VILL: variants seen among roughly 807,000 people sequenced by gnomAD.
VILL encodes villin-like protein.
A neutral mutation model predicts 106.3 loss-of-function variants in VILL; 102 were observed. That is an observed-to-expected ratio of 0.96 (90% CI 0.82 to 1.13). VILL has a LOEUF of 1.13. VILL is among the 50% of genes most tolerant of loss of function. VILL has a pLI of 0.00. For missense variants in VILL, 1,076 were observed against 1,116.6 expected, an observed-to-expected ratio of 0.96 and a Z score of 0.52; for synonymous variants, 431 against 440.3, an observed-to-expected ratio of 0.98 and a Z score of 0.27.
intron 4 of VILL, 83 bp from the exon 5 acceptor site, chr3:37,995,656 A>C: frequency 8.7e-7 from 1 of 1,150,004 alleles, no homozygotes; most frequent in South Asian, 1.3e-5. Context: ...GCACGTGCTC[A>C]CATCTGCAGT....
Position 37,998,864 on chromosome 3 carries a change from G to A in VILL, c.943-48G>A. 6.4e-7 allele frequency: 1 copy of A among 1,562,270 alleles called. No individual in the cohort carries two copies. Among genetic ancestry groups the A allele is most frequent in the African/African-American group, 1.4e-5 (1 of 73,028 alleles). On this transcript the variant is annotated intron_variant, in intron 9 of 19. Coordinates refer to ENST00000383759, the MANE Select transcript of VILL (RefSeq NM_015873.4). This position sits in a 1 kb window ranked among gnomAD's most constrained non-coding sequence, Gnocchi z 4.1. ...GGTAGGTCCCCAGGAGCGGCAGTGG[G>A]GCAGTGGACTCTCAGGGTCGCAGGA...
In VILL at chr3:37,997,507, C is replaced by T. The variant is rs1213982839; in HGVS notation, c.586C>T (p.Arg196Trp). The change falls in exon 7 of 20, where the codon CGG becomes TGG. Residue 196 changes from arginine (R) to tryptophan (W), a missense_variant. Arg to Trp is a moderately radical substitution (Grantham distance 101). Transcript: ENST00000383759. This position sits in a 1 kb window ranked among gnomAD's most constrained non-coding sequence, Gnocchi z 4.7. ...ARGLALTYSL[R>W]DRERGGGRAQ... is the part of the protein sequence containing the mutation. Reference sequence around the variant, plus strand: ...GGGGCTGGCTTTGACCTACAGCCTCCGGGACAGGGAACGTGGTGGTGGTCG... The same window carrying T: ...GGGGCTGGCTTTGACCTACAGCCTCTGGGACAGGGAACGTGGTGGTGGTCG... 5.0e-6 allele frequency: 8 copies of T among 1,613,828 alleles called. No homozygotes were observed. The highest frequency in any genetic ancestry group is 3.3e-5 in the Admixed American group (2 of 59,994).
intron 13 of VILL, 47 bp downstream of exon 13, chr3:38,001,907 T>A: frequency 1.9e-6 from 3 of 1,613,160 alleles, no homozygotes; most frequent in Non-Finnish European, 2.5e-6. Flanking sequence ...CAGTTCTGCA[T>A]GGGCCATGGC....
intron 16 of VILL, 73 bp downstream of exon 16, chr3:38,004,472 G>A (rs1185010166): frequency 2.6e-6 from 4 of 1,552,354 alleles, no homozygotes; most frequent in Non-Finnish European, 3.5e-6. Flanking sequence ...GGGTGTGTGT[G>A]TATCTAGCCA....
intron 16 of VILL, among the ~76,000 whole-genome samples, chr3:38,004,848 T>C (rs559982112): frequency 6.6e-6 from 1 of 152,358 alleles, no homozygotes; most frequent in East Asian, 1.9e-4. Flanking sequence ...GGTCACGTGA[T>C]GCTAGAACTG....
Position 38,002,424 on chromosome 3 carries a change from A to G in VILL, c.1508A>G (p.Gln503Arg). ...AGAGCTGGGCACCATGGAAAGGGGC[A>G]GTCAGCATCCACCACAAGGCTTTTC... Reference protein sequence around the residue: ...QERAGHHGKGQSASTTRLFQV... With the variant: ...QERAGHHGKGRSASTTRLFQV... Residue 503 changes from glutamine to arginine, a missense_variant, in exon 14 of 20, where the codon CAG becomes CGG. Transcript: ENST00000383759. The G allele has an allele frequency of 6.2e-7, 1 of 1,613,634 alleles. No homozygotes were observed. The highest frequency in any genetic ancestry group is 1.1e-5 in the South Asian group (1 of 91,018).
Position 38,003,273 on chromosome 3 carries a change from G to T in VILL, c.1765G>T (p.Glu589Ter). 6.2e-7 allele frequency: 1 copy of T among 1,613,056 alleles called. No individual in the cohort carries two copies. Among genetic ancestry groups the T allele is most frequent in the Non-Finnish European group, 8.5e-7 (1 of 1,179,662 alleles). The change falls in exon 15 of 20, where the codon GAG (glutamate) becomes TAG (stop). Residue 589 changes from glutamate to a stop codon, truncating the protein, a stop_gained. Coordinates refer to ENST00000383759, the MANE Select transcript of VILL (RefSeq NM_015873.4). LOFTEE classifies it high-confidence loss of function. ...LEGQEPPHFW[E>*]ALGGRAPYPS... ...GGGTCAGGAGCCTCCCCACTTCTGGGAGGCCCTGGGAGGCCGGGCCCCCTA... is the reference window on the plus strand; with the variant it reads ...GGGTCAGGAGCCTCCCCACTTCTGGTAGGCCCTGGGAGGCCGGGCCCCCTA...
chr3:37,989,915 G>T (rs1300626751), upstream of VILL, among the ~76,000 whole-genome samples: 1 of 152,234 alleles, frequency 6.6e-6, no homozygotes, highest in African/African-American at 2.4e-5. Flanking sequence ...GCTGGACACA[G>T]ACTGCCCCCG....
At position 38,007,001 on chromosome 3, in the gene VILL, C is replaced by T. The variant is rs1464025917; in HGVS notation, c.2517C>T (p.Tyr839=). ...DIFGKSKEEF[Y]SMATWRQRQE... is the part of the protein sequence containing the mutation. ...TTGGGAAATCCAAGGAGGAATTCTACAGCATGGCCACGTGGAGGCAGCGGC... is the reference window on the plus strand; with the variant it reads ...TTGGGAAATCCAAGGAGGAATTCTATAGCATGGCCACGTGGAGGCAGCGGC... The change falls in exon 20 of 20, where the codon TAC becomes TAT. Residue 839 remains tyrosine (Y), a synonymous_variant. Coordinates refer to ENST00000383759, the MANE Select transcript of VILL (RefSeq NM_015873.4). 1.1e-5 allele frequency: 17 copies of T among 1,614,044 alleles called. No individual in the cohort carries two copies. The highest frequency in any genetic ancestry group is 1.7e-5 in the Admixed American group (1 of 59,998).
upstream of VILL, among the ~76,000 whole-genome samples, chr3:37,989,969 G>A (rs1699590243): frequency 6.6e-6 from 1 of 152,202 alleles, no homozygotes; most frequent in Admixed American, 6.5e-5. Flanking sequence ...CCTTTGTGGG[G>A]TGAAGACTGA....
chr3:38,002,066 T>A, intron 13 of VILL: 1 of 844,428 alleles, frequency 1.2e-6, no homozygotes, highest in Non-Finnish European at 1.8e-6. Flanking sequence ...GATGAGGAAT[T>A]TGAGTTGAAA....
rs748566702 is a variant in VILL at position 37,999,332 on chromosome 3, C to T, written c.1082-7C>T. On this transcript the variant is annotated splice_region_variant and splice_polypyrimidine_tract_variant and intron_variant, in intron 10 of 19. Coordinates refer to ENST00000383759, the MANE Select transcript of VILL (RefSeq NM_015873.4). ...GGCGCCACTGACGCCTACTGTCCCCCCTTCAGATAAATCGATTCATGTAAA... is the reference window on the plus strand; with the variant it reads ...GGCGCCACTGACGCCTACTGTCCCCTCTTCAGATAAATCGATTCATGTAAA... The T allele has an allele frequency of 2.2e-5, 34 of 1,511,486 alleles. No homozygotes were observed. Among genetic ancestry groups the T allele is most frequent in the Middle Eastern group, 1.8e-4 (1 of 5,642 alleles). The allele number at this position is 1,511,486 out of a possible 1,614,324, so 93.6% of individuals were successfully genotyped here. A position where few individuals can be genotyped will look rare whatever the true frequency, so the allele number is the denominator to read the frequency against.
Position 37,998,134 on chromosome 3 carries a change from C to T in VILL, c.809C>T (p.Thr270Ile), listed in dbSNP as rs1699740150. 6.2e-7 allele frequency: 1 copy of T among 1,613,230 alleles called. No homozygotes were observed. Among genetic ancestry groups the T allele is most frequent in the East Asian group, 2.2e-5 (1 of 44,828 alleles). ...GKDLVVLELA[T>I]PPLTQDLLQE... ...GACCTGGTGGTCCTGGAGTTGGCGA[C>T]CCCCCCACTGACCCAGGACCTGCTG... The change falls in exon 8 of 20, where the codon ACC becomes ATC. Residue 270 changes from threonine to isoleucine, a missense_variant. Coordinates refer to ENST00000383759, the MANE Select transcript of VILL (RefSeq NM_015873.4). This position sits in a 1 kb window ranked among gnomAD's most constrained non-coding sequence, Gnocchi z 4.1.
Position 38,005,816 on chromosome 3 carries a change from G to T in VILL, c.1975G>T (p.Ala659Ser). Residue 659 changes from alanine (A) to serine (S), a missense_variant, in exon 17 of 20, where the codon GCA becomes TCA. Coordinates refer to ENST00000383759, the MANE Select transcript of VILL (RefSeq NM_015873.4). Reference sequence around the variant, plus strand: ...GATCTTCCTGTGGCTTGGGGAAGCTGCAAGTGAGTGGAAGGAGGCGGTGGC... The same window carrying T: ...GATCTTCCTGTGGCTTGGGGAAGCTTCAAGTGAGTGGAAGGAGGCGGTGGC... ...QEIFLWLGEA[A>S]SEWKEAVAWG... The T allele has an allele frequency of 6.2e-7, 1 of 1,612,678 alleles. No homozygotes were observed. The highest frequency in any genetic ancestry group is 8.5e-7 in the Non-Finnish European group (1 of 1,179,274).
At chr3:38,002,847 C>A in intron 14 of VILL, 1 of 539,134 alleles carries the variant, frequency 1.9e-6, no homozygotes, top group South Asian at 2.8e-5. Flanking sequence ...TCCCAGGTCT[C>A]TTGGGAAAAG....
chr3:38,003,131 C>T, intron 14 of VILL, 37 bp from the exon 15 acceptor site: 1 of 1,607,870 alleles, frequency 6.2e-7, no homozygotes, highest in Non-Finnish European at 8.5e-7. Context: ...GAAGGCCCCT[C>T]CTCATGCAGG....
chr3:38,005,471 T>C (rs975573899), intron 16 of VILL, among the ~76,000 whole-genome samples: 36 of 152,194 alleles, frequency 2.4e-4, no homozygotes, highest in African/African-American at 8.4e-4. Flanking sequence ...TTTTCTTTCA[T>C]TGTTGACTCC....
At chr3:38,002,731 A>T (rs1169723059) in intron 14 of VILL, 156 bp downstream of exon 14, 1 of 899,398 alleles carries the variant, frequency 1.1e-6, no homozygotes, top group Non-Finnish European at 1.6e-6. Flanking sequence ...CCCCTCTAGA[A>T]CTTGGGGAAA....
chr3:38,003,081 C>T, intron 14 of VILL, 87 bp from the exon 15 acceptor site: 2 of 1,507,366 alleles, frequency 1.3e-6, no homozygotes, highest in Non-Finnish European at 1.8e-6. Context: ...GGCCCAGCCC[C>T]ACCCCATACA....
Sources: gnomAD v4.1 joint callset for allele counts (sites outside exome capture counted in the v4.1 genomes callset) on GRCh38, gnomAD v4.1.1 for gene constraint, Gnocchi (gnomAD v3.1) non-coding constraint, MANE v1.5 for transcripts, NCBI Gene and HGNC (gene_info 2026-07-23, HGNC 2026-07-21) for gene names.